PLCB4: variants seen among roughly 807,000 people sequenced by gnomAD.
PLCB4 encodes 1-phosphatidylinositol 4,5-bisphosphate phosphodiesterase beta-4.
In PLCB4, 77 loss-of-function variants were observed where a neutral mutation model predicts 178.8. The observed-to-expected ratio is 0.43, with a 90% CI of 0.36 to 0.52. PLCB4 has a LOEUF of 0.52. PLCB4 is among the 20% of genes least tolerant of loss of function. The probability of loss-of-function intolerance (pLI) is 0.00; values close to 1 mark genes in which losing one functional copy is unlikely to be tolerated. For missense variants in PLCB4, 1,024 were observed against 1,453.4 expected (o/e 0.70, Z 4.80); for synonymous variants, 496 against 490.8 (o/e 1.01, Z -0.14).
At chr20:9,301,792 C>A (rs1008103713) in intron 3 of PLCB4, among the ~76,000 whole-genome samples, 3 of 152,072 alleles carry the variant, frequency 2.0e-5, no homozygotes, top group Admixed American at 2.0e-4. Flanking sequence ...TCTTTCTTGT[C>A]CCCCGCTTCC....
At chr20:9,154,282 T>G (rs2092743100) in intron 2 of PLCB4, among the ~76,000 whole-genome samples, 1 of 152,190 alleles carries the variant, frequency 6.6e-6, no homozygotes, top group Admixed American at 6.5e-5. Flanking sequence ...CATGGTCACA[T>G]CTCAGTGCAG....
chr20:9,406,135 T>G (rs2039418743), intron 21 of PLCB4, among the ~76,000 whole-genome samples: 1 of 152,244 alleles, frequency 6.6e-6, no homozygotes, highest in South Asian at 2.1e-4. Context: ...TCATTGTCAT[T>G]TATTAGCTAA....
intron 2 of PLCB4, among the ~76,000 whole-genome samples, chr20:9,203,777 G>GT (rs553691545): frequency 0.012 from 1,248 of 101,642 alleles, 30 homozygotes; most frequent in Middle Eastern, 0.026. Flanking sequence ...TGGGAATAGT[G>GT]TTTTTTTTTT....
At chr20:9,340,944 G>A (rs937973110) in intron 7 of PLCB4, among the ~76,000 whole-genome samples, 3 of 152,142 alleles carry the variant, frequency 2.0e-5, no homozygotes, top group Non-Finnish European at 2.9e-5. Context: ...TTTAGAGTTC[G>A]AAATGGACCT....
intron 2 of PLCB4, among the ~76,000 whole-genome samples, chr20:9,143,030 C>T (rs1170941555): frequency 6.6e-6 from 1 of 152,142 alleles, no homozygotes; most frequent in Non-Finnish European, 1.5e-5. Flanking sequence ...GCACGTTCTC[C>T]CTCTGCCTGG....
intron 28 of PLCB4, among the ~76,000 whole-genome samples, chr20:9,425,978 T>A (rs1422537790): frequency 6.6e-6 from 1 of 152,196 alleles, no homozygotes; most frequent in African/African-American, 2.4e-5. Context: ...CATATCTCAG[T>A]GTGTTTATGT....
intron 2 of PLCB4, among the ~76,000 whole-genome samples, chr20:9,203,171 C>G (rs1324593875): frequency 2.0e-5 from 3 of 150,920 alleles, no homozygotes; most frequent in African/African-American, 7.3e-5. Context: ...TACTCTTCTT[C>G]TGTTCTCACT....
At chr20:9,247,656 T>C (rs947487728) in intron 3 of PLCB4, among the ~76,000 whole-genome samples, 3 of 152,200 alleles carry the variant, frequency 2.0e-5, no homozygotes, top group African/African-American at 7.2e-5. Flanking sequence ...TGATTTTTAT[T>C]TGTTGAGTTT....
chr20:9,319,573 G>C (rs1445708923), intron 4 of PLCB4, among the ~76,000 whole-genome samples: 2 of 152,176 alleles, frequency 1.3e-5, no homozygotes, highest in African/African-American at 4.8e-5. Context: ...TGAAGGGCCA[G>C]AGAACCAGGG....
At chr20:9,152,433 C>A (rs2092707428) in intron 2 of PLCB4, among the ~76,000 whole-genome samples, 1 of 152,160 alleles carries the variant, frequency 6.6e-6, no homozygotes, top group Non-Finnish European at 1.5e-5. Context: ...TGTGTCCAAG[C>A]TGCTCCAGCC....
Position 9,179,759 on chromosome 20 carries a change from C to A in PLCB4, c.-78-37631C>A, listed in dbSNP as rs561848663. On this transcript the variant is annotated intron_variant, in intron 2 of 39. Coordinates refer to ENST00000378473, the MANE Select transcript of PLCB4 (RefSeq NM_001377142.1). ...ATGAGAGAAAGCTGTTATGAAGGAA[C>A]ATTTTATATGAACTTGCTTGTTTTC... Among the ~76,000 whole-genome samples, 5 of 152,302 alleles carry A rather than the reference C, an allele frequency of 3.3e-5. No homozygotes were observed. The East Asian group carries it at 9.6e-4, about 29-fold the overall frequency.
At chr20:9,475,333 A>T (rs1037931428) in intron 38 of PLCB4, among the ~76,000 whole-genome samples, 2 of 152,230 alleles carry the variant, frequency 1.3e-5, no homozygotes, top group African/African-American at 4.8e-5. Flanking sequence ...CATAATTTTT[A>T]AAAATCAGTT....
intron 3 of PLCB4, among the ~76,000 whole-genome samples, chr20:9,259,312 A>G (rs191074574): frequency 1.3e-5 from 2 of 152,214 alleles, no homozygotes. Flanking sequence ...TGTAATTTTC[A>G]TATTGTAAAT....
Position 9,365,529 on chromosome 20 carries a change from C to G in PLCB4, c.503+15C>G. On this transcript the variant is annotated intron_variant, in intron 9 of 39. Transcript: ENST00000378473. ...CCAGTTAGGAGGTAAGTAATCATTC[C>G]TATCTGCTGTCCGTGTCCCGGGTCA... 6.4e-7 allele frequency: 1 copy of G among 1,551,044 alleles called. No homozygotes were observed. The highest frequency in any genetic ancestry group is 8.9e-7 in the Non-Finnish European group (1 of 1,123,496).
intron 18 of PLCB4, among the ~76,000 whole-genome samples, chr20:9,395,036 T>C (rs2038458338): frequency 6.6e-6 from 1 of 152,248 alleles, no homozygotes; most frequent in Non-Finnish European, 1.5e-5. Flanking sequence ...TTCTGACTTA[T>C]AGAAAAATTA....
At chr20:9,418,909 G>T in intron 25 of PLCB4, among the ~76,000 whole-genome samples, 1 of 151,938 alleles carries the variant, frequency 6.6e-6, no homozygotes. Context: ...TTCCTAAGTG[G>T]TTTATATTTT....
At chr20:9,420,351 T>G (rs1239411146) in intron 26 of PLCB4, among the ~76,000 whole-genome samples, 1 of 152,196 alleles carries the variant, frequency 6.6e-6, no homozygotes, top group Non-Finnish European at 1.5e-5. Context: ...TGTTTTTTAT[T>G]TTTTGACACT....
intron 3 of PLCB4, among the ~76,000 whole-genome samples, chr20:9,300,045 AG>A (rs2094685602): frequency 6.6e-6 from 1 of 152,134 alleles, no homozygotes; most frequent in African/African-American, 2.4e-5. Context: ...ATGTCAAATT[AG>A]ATTCTTACTG....
At chr20:9,362,852 C>G in intron 7 of PLCB4, 44 bp from the exon 8 acceptor site, 2 of 1,280,322 alleles carry the variant, frequency 1.6e-6, no homozygotes, top group Non-Finnish European at 2.3e-6. Context: ...CTATTTGACT[C>G]CAGCAGATTT....
Sources: allele counts gnomAD v4.1 joint callset (sites outside exome capture counted in the v4.1 genomes callset), GRCh38; gene constraint gnomAD v4.1.1; transcripts MANE v1.5; gene names NCBI Gene and HGNC (gene_info 2026-07-23, HGNC 2026-07-21).